The following ASIC2 variants were observed in gnomAD, a reference collection of about 807,000 sequenced individuals.
The protein encoded by ASIC2 is acid sensing ion channel subunit 2.
In ASIC2, 25 loss-of-function variants were observed where a neutral mutation model predicts 57.3. The ratio of observed to expected loss-of-function variants is 0.44; its 90% CI spans 0.32 to 0.61. ASIC2 has a LOEUF of 0.61. Ranked by LOEUF, ASIC2 falls within the 20% of genes least tolerant of loss-of-function variation. The probability of loss-of-function intolerance (pLI) is 0.06; values close to 1 mark genes in which losing one functional copy is unlikely to be tolerated. For synonymous variants in ASIC2, 319 were observed against 307.5 expected (o/e 1.04, Z -0.39); for missense variants, 641 against 738.1 (o/e 0.87, Z 1.52).
At chr17:33,238,753 C>T (rs554290229) in intron 1 of ASIC2, among the ~76,000 whole-genome samples, 17 of 152,242 alleles carry the variant, frequency 1.1e-4, no homozygotes, top group African/African-American at 3.4e-4. Context: ...AGTCTTTGCT[C>T]GGCCGGGAGC....
chr17:33,397,410 T>C (rs1330027158), intron 1 of ASIC2, among the ~76,000 whole-genome samples: 1 of 152,188 alleles, frequency 6.6e-6, no homozygotes, highest in Non-Finnish European at 1.5e-5. Context: ...GTCACTCTGC[T>C]CTGTAGTCCC....
At chr17:33,153,646 G>A (rs999550588) in intron 1 of ASIC2, among the ~76,000 whole-genome samples, 5 of 152,084 alleles carry the variant, frequency 3.3e-5, no homozygotes, top group Non-Finnish European at 5.9e-5. Flanking sequence ...CCAGGTATGC[G>A]GCTGATTTCA....
intron 2 of ASIC2, among the ~76,000 whole-genome samples, chr17:33,101,838 A>G (rs2092213158): frequency 6.6e-6 from 1 of 151,950 alleles, no homozygotes; most frequent in African/African-American, 2.4e-5. Context: ...CGAAATAAAT[A>G]TTTTGTTTTT....
intron 1 of ASIC2, among the ~76,000 whole-genome samples, chr17:33,852,683 G>T (rs947575452): frequency 6.6e-6 from 1 of 152,088 alleles, no homozygotes; most frequent in African/African-American, 2.4e-5. Context: ...CCTACACCTT[G>T]CTACCTCTTG....
intron 1 of ASIC2, among the ~76,000 whole-genome samples, chr17:33,966,165 C>T (rs1198843625): frequency 6.6e-6 from 1 of 152,156 alleles, no homozygotes; most frequent in African/African-American, 2.4e-5. Flanking sequence ...AGTACCTGTG[C>T]GGATGGTATT....
intron 1 of ASIC2, among the ~76,000 whole-genome samples, chr17:33,673,030 G>A (rs1197079711): frequency 1.3e-5 from 2 of 152,216 alleles, no homozygotes; most frequent in African/African-American, 4.8e-5. Flanking sequence ...TGATAATGGT[G>A]TAAAGCTTGG....
At chr17:33,708,019 T>C (rs1410400181) in intron 1 of ASIC2, among the ~76,000 whole-genome samples, 2 of 152,178 alleles carry the variant, frequency 1.3e-5, no homozygotes, top group Non-Finnish European at 2.9e-5. Flanking sequence ...AGGGTATTCT[T>C]GAGTTATAAG....
At chr17:33,900,729 T>C (rs1276607632) in intron 1 of ASIC2, among the ~76,000 whole-genome samples, 3 of 152,088 alleles carry the variant, frequency 2.0e-5, no homozygotes, top group Non-Finnish European at 4.4e-5. Context: ...GACCATAAGA[T>C]GTTGAAGAAG....
chr17:33,701,681 C>G (rs1236393853), intron 1 of ASIC2, among the ~76,000 whole-genome samples: 2 of 152,174 alleles, frequency 1.3e-5, no homozygotes, highest in African/African-American at 4.8e-5. Context: ...GCTGAGACAG[C>G]CTTTGCAGTG....
intron 1 of ASIC2, among the ~76,000 whole-genome samples, chr17:33,693,901 T>G (rs951565769): frequency 1.1e-4 from 17 of 152,166 alleles, no homozygotes; most frequent in Non-Finnish European, 1.9e-4. Context: ...TTGGATTCTT[T>G]TAGTTCTAGT....
At chr17:33,208,740 A>T (rs1032943937) in intron 1 of ASIC2, among the ~76,000 whole-genome samples, 8 of 152,140 alleles carry the variant, frequency 5.3e-5, no homozygotes, top group African/African-American at 1.4e-4. Context: ...GAAAGACATG[A>T]TCAGTCTTGT....
chr17:33,940,862 A>G (rs1447714229), intron 1 of ASIC2, among the ~76,000 whole-genome samples: 1 of 152,236 alleles, frequency 6.6e-6, no homozygotes, highest in East Asian at 1.9e-4. Context: ...TGTAGGGCAT[A>G]TGACCGCCCC....
chr17:33,172,344 C>T (rs1389176272), intron 1 of ASIC2, among the ~76,000 whole-genome samples: 1 of 152,202 alleles, frequency 6.6e-6, no homozygotes, highest in Non-Finnish European at 1.5e-5. Flanking sequence ...CCATGAAAAT[C>T]CACAGTCCCC....
At chr17:33,489,183 C>G (rs1316548760) in intron 1 of ASIC2, among the ~76,000 whole-genome samples, 1 of 152,194 alleles carries the variant, frequency 6.6e-6, no homozygotes, top group Non-Finnish European at 1.5e-5. Context: ...CCCTATCACT[C>G]TGACTCCTGC....
chr17:33,326,107 T>C (rs540642859), intron 1 of ASIC2, among the ~76,000 whole-genome samples: 2 of 152,316 alleles, frequency 1.3e-5, no homozygotes, highest in South Asian at 4.1e-4. Context: ...CAGCAAGACA[T>C]TTTTTGGTCA....
chr17:33,333,584 T>A (rs1326410329), intron 1 of ASIC2, among the ~76,000 whole-genome samples: 5 of 152,232 alleles, frequency 3.3e-5, no homozygotes, highest in Non-Finnish European at 5.9e-5. Context: ...GGTATGGTGA[T>A]GAGCAATTTC....
intron 1 of ASIC2, among the ~76,000 whole-genome samples, chr17:33,739,371 T>G (rs1429264092): frequency 6.6e-6 from 1 of 152,236 alleles, no homozygotes; most frequent in Non-Finnish European, 1.5e-5. Context: ...CATTCAGGTC[T>G]CAGCTCTGTC....
rs952865488 is a variant in ASIC2 at position 33,120,991 on chromosome 17, G to T, written c.709-8924C>A. 5.3e-5 allele frequency among the ~76,000 whole-genome samples: 8 copies of T among 152,284 alleles called. No homozygotes were observed. In the South Asian group the frequency reaches 1.7e-3, roughly 32 times the overall value. The stretch of plus-strand genomic sequence containing the variant: ...TTCTTCATCTTTTTGGTTCTTGAAC[G>T]TGCATCTCAGCAATGCTGGTAAGAA... On this transcript the variant is annotated intron_variant, in intron 1 of 9. Coordinates refer to ENST00000225823, the MANE Select transcript of ASIC2 (RefSeq NM_183377.2).
intron 3 of ASIC2, among the ~76,000 whole-genome samples, chr17:33,065,291 C>G (rs1347502485): frequency 6.6e-6 from 1 of 151,938 alleles, no homozygotes; most frequent in East Asian, 1.9e-4. Flanking sequence ...ATCATCCCAT[C>G]TCAGCCCCCT....
Sources: gnomAD v4.1 joint callset for allele counts (sites outside exome capture counted in the v4.1 genomes callset) on GRCh38, gnomAD v4.1.1 for gene constraint, MANE v1.5 for transcripts, NCBI Gene and HGNC (gene_info 2026-07-23, HGNC 2026-07-21) for gene names.